The following GCNT1 variants were observed in gnomAD, a reference collection of about 807,000 sequenced individuals.
The protein encoded by GCNT1 is glucosaminyl (N-acetyl) transferase 1, also known as beta-1,3-galactosyl-O-glycosyl-glycoprotein beta-1,6-N-acetylglucosaminyltransferase.
A neutral mutation model predicts 26.2 loss-of-function variants in GCNT1; 16 were observed. That is an observed-to-expected ratio of 0.61 (90% CI 0.41 to 0.93). The LOEUF is 0.93. GCNT1 is among the 40% of genes least tolerant of loss of function. The probability of loss-of-function intolerance (pLI) is 0.00; values close to 1 mark genes in which losing one functional copy is unlikely to be tolerated. For missense variants in GCNT1, 477 were observed against 526.7 expected (o/e 0.91, Z 0.92); for synonymous variants, 183 against 190.8 (o/e 0.96, Z 0.34).
At chr9:76,425,275 T>C (rs1430769165) in intron 1 of GCNT1, among the ~76,000 whole-genome samples, 1 of 151,432 alleles carries the variant, frequency 6.6e-6, no homozygotes, top group Non-Finnish European at 1.5e-5. Flanking sequence ...CAGGCTGGAG[T>C]GCAATGGCAC....
intron 1 of GCNT1, among the ~76,000 whole-genome samples, chr9:76,428,698 TA>T (rs1243333649): frequency 6.6e-5 from 8 of 121,792 alleles, no homozygotes; most frequent in African/African-American, 2.5e-4. Context: ...TTGCGTATTC[TA>T]TTTTTTTTTT....
In GCNT1 at chr9:76,503,471, T is replaced by G; in HGVS notation, c.1090T>G (p.Ser364Ala). 6.2e-7 allele frequency: 1 copy of G among 1,614,122 alleles called. No individual in the cohort carries two copies. Among genetic ancestry groups the G allele is most frequent in the Non-Finnish European group, 8.5e-7 (1 of 1,180,008 alleles). ...VKWQYFEGDVSKGAPYPPCDG... is the reference protein window; with the variant it reads ...VKWQYFEGDVAKGAPYPPCDG... The stretch of plus-strand genomic sequence containing the variant: ...GTGGCAGTACTTTGAGGGTGATGTT[T>G]CCAAGGGTGCTCCCTACCCGCCCTG... Residue 364 changes from serine (S) to alanine (A), a missense_variant, in exon 4 of 4, where the codon TCC becomes GCC. Ser to Ala is a moderately conservative substitution (Grantham distance 99). Coordinates refer to ENST00000376730, the MANE Select transcript of GCNT1 (RefSeq NM_001490.5).
chr9:76,475,999 C>A (rs1824245558), intron 2 of GCNT1, among the ~76,000 whole-genome samples: 1 of 152,078 alleles, frequency 6.6e-6, no homozygotes, highest in Non-Finnish European at 1.5e-5. Context: ...TGGGAAAGGA[C>A]CAGAGGAAGG....
intron 1 of GCNT1, among the ~76,000 whole-genome samples, chr9:76,444,451 C>T (rs370755634): frequency 3.2e-4 from 49 of 152,122 alleles, no homozygotes; most frequent in African/African-American, 1.1e-3. Flanking sequence ...CAAAGAGTGA[C>T]GAGAACAAAA....
intron 1 of GCNT1, among the ~76,000 whole-genome samples, chr9:76,426,301 A>G (rs1407929531): frequency 6.6e-6 from 1 of 152,158 alleles, no homozygotes; most frequent in African/African-American, 2.4e-5. Context: ...TAATTTTGCA[A>G]TGGTGCTTTC....
At chr9:76,407,236 G>C in the GCNT1 span, among the ~76,000 whole-genome samples, 2 of 151,536 alleles carry the variant, frequency 1.3e-5, no homozygotes, top group East Asian at 3.9e-4. Flanking sequence ...TTCTAAAATA[G>C]GATTTATATA....
the GCNT1 span, among the ~76,000 whole-genome samples, chr9:76,397,357 G>A: frequency 7.2e-5 from 11 of 151,868 alleles, no homozygotes; most frequent in African/African-American, 2.7e-4. Context: ...AGATGGAGCA[G>A]TCAGGCTCCA....
intron 2 of GCNT1, among the ~76,000 whole-genome samples, chr9:76,476,878 A>C (rs1358305286): frequency 6.6e-6 from 1 of 152,110 alleles, no homozygotes; most frequent in Non-Finnish European, 1.5e-5. Flanking sequence ...ATTCTAATAT[A>C]TTGTTCTTCA....
intron 1 of GCNT1, among the ~76,000 whole-genome samples, chr9:76,425,622 G>A (rs62568692): frequency 0.18 from 27,233 of 152,106 alleles, 3,195 homozygotes; most frequent in Non-Finnish European, 0.26. Flanking sequence ...CCTAGACAAA[G>A]CCAATTTATC....
chr9:76,486,282 T>A (rs1207947692), intron 2 of GCNT1, among the ~76,000 whole-genome samples: 2 of 152,230 alleles, frequency 1.3e-5, no homozygotes, highest in Admixed American at 6.5e-5. Flanking sequence ...GTTAGTGATG[T>A]TGTTAATGCT....
chr9:76,394,346 C>T, the GCNT1 span: 2 of 544,020 alleles, frequency 3.7e-6, no homozygotes, highest in African/African-American at 4.0e-5. Context: ...GAATCCCTGA[C>T]GCCGCCGACC....
At chr9:76,494,069 C>T (rs527325741) in intron 2 of GCNT1, among the ~76,000 whole-genome samples, 4 of 152,018 alleles carry the variant, frequency 2.6e-5, no homozygotes, top group African/African-American at 9.6e-5. Flanking sequence ...TTGGTTTGTT[C>T]CCCGCCCCCC....
intron 1 of GCNT1, among the ~76,000 whole-genome samples, chr9:76,433,331 T>C (rs779909413): frequency 1.3e-5 from 2 of 152,178 alleles, no homozygotes; most frequent in Non-Finnish European, 2.9e-5. Flanking sequence ...CTGACAGAAC[T>C]GTTAACGTGC....
At chr9:76,416,310 T>C (rs1823132427), upstream of GCNT1, among the ~76,000 whole-genome samples, 1 of 152,158 alleles carries the variant, frequency 6.6e-6, no homozygotes, top group African/African-American at 2.4e-5. Context: ...AGCCACCTCC[T>C]TCACTCAGTA....
intron 2 of GCNT1, among the ~76,000 whole-genome samples, chr9:76,463,766 C>G (rs1823930596): frequency 6.6e-6 from 1 of 151,180 alleles, no homozygotes; most frequent in South Asian, 2.1e-4. Context: ...CATAGTCACA[C>G]CGGCTCAGGC....
intron 1 of GCNT1, among the ~76,000 whole-genome samples, chr9:76,422,662 C>T (rs1361673568): frequency 2.0e-5 from 3 of 152,142 alleles, no homozygotes; most frequent in African/African-American, 7.2e-5. Flanking sequence ...AAGTGATCCT[C>T]CCACCTCAGC....
At chr9:76,443,842 C>A (rs1308038130) in intron 1 of GCNT1, among the ~76,000 whole-genome samples, 2 of 150,712 alleles carry the variant, frequency 1.3e-5, no homozygotes, top group African/African-American at 2.4e-5. Context: ...TGCACTCCAG[C>A]CTGGGCAACA....
chr9:76,440,910 A>G (rs939541161), upstream of GCNT1, among the ~76,000 whole-genome samples: 5 of 151,664 alleles, frequency 3.3e-5, no homozygotes, highest in African/African-American at 9.7e-5. Context: ...CTAAAAATAC[A>G]AAAATTAGCT....
At chr9:76,415,262 G>A (rs1823122922), upstream of GCNT1, among the ~76,000 whole-genome samples, 1 of 152,058 alleles carries the variant, frequency 6.6e-6, no homozygotes. Context: ...TCACCATGTT[G>A]CTCAGGCTGG....
Sources: gnomAD v4.1 joint callset for allele counts (sites outside exome capture counted in the v4.1 genomes callset) on GRCh38, gnomAD v4.1.1 for gene constraint, MANE v1.5 for transcripts, NCBI Gene and HGNC (gene_info 2026-07-23, HGNC 2026-07-21) for gene names.